The following GRB10 variants were observed in gnomAD, a reference collection of about 807,000 sequenced individuals.
The protein encoded by GRB10 is growth factor receptor-bound protein 10.
GRB10 carries 20 observed loss-of-function variants against 80.9 expected under a neutral mutation model. The ratio of observed to expected loss-of-function variants is 0.25; its 90% CI spans 0.17 to 0.36. The LOEUF is 0.36. Ranked by LOEUF, GRB10 falls within the 10% of genes least tolerant of loss-of-function variation. The probability of loss-of-function intolerance (pLI) is 1.00; values close to 1 mark genes in which losing one functional copy is unlikely to be tolerated. For missense variants in GRB10, 548 were observed against 747.7 expected, an observed-to-expected ratio of 0.73 and a Z score of 3.12; for synonymous variants, 291 against 291.5, an observed-to-expected ratio of 1.00 and a Z score of 0.02.
intron 7 of GRB10, among the ~76,000 whole-genome samples, chr7:50,668,361 G>A (rs1586641421): frequency 1.3e-5 from 1 of 75,584 alleles, no homozygotes; most frequent in Admixed American, 1.6e-4. Flanking sequence ...CAAGTAGAAG[G>A]GCAAAATGAC....
intron 5 of GRB10, among the ~76,000 whole-genome samples, chr7:50,694,591 A>G (rs1586982212): frequency 6.6e-6 from 1 of 152,226 alleles, no homozygotes; most frequent in Middle Eastern, 3.4e-3. Flanking sequence ...ATCTCACAGG[A>G]TGAAGAATCT....
intron 9 of GRB10, 64 bp from the exon 10 acceptor site, chr7:50,618,203 T>A: frequency 1.7e-6 from 2 of 1,184,374 alleles, no homozygotes; most frequent in East Asian, 2.3e-5. Flanking sequence ...AGGTATGTCA[T>A]ATAGATATGT....
At chr7:50,669,918 C>A in intron 6 of GRB10, 55 bp from the exon 7 acceptor site, 1 of 1,559,094 alleles carries the variant, frequency 6.4e-7, no homozygotes, top group Non-Finnish European at 8.7e-7. Flanking sequence ...CATGACCCAG[C>A]CTTACCACTG....
rs1232419796 is a variant in GRB10 at position 50,782,575 on chromosome 7, ACGGCTC to A, written c.-484_-479del. On this transcript the variant is annotated 5_prime_UTR_variant, in exon 1 of 19. Coordinates refer to ENST00000401949, the MANE Select transcript of GRB10 (RefSeq NM_001350814.2). The surrounding 1 kb of genome is among the most constrained non-coding windows in gnomAD (Gnocchi z 6.6). ...CGGAGCCGGGCCGGGCTGGTCCTCCACGGCTCCGCCCCGGCCAGGGGCCTGCGGCGC... is the reference window on the plus strand; with the variant it reads ...CGGAGCCGGGCCGGGCTGGTCCTCCACGCCCCGGCCAGGGGCCTGCGGCGC... The A allele has an allele frequency of 6.6e-6, 1 of 150,728 alleles. No individual in the cohort carries two copies. Among genetic ancestry groups the A allele is most frequent in the Non-Finnish European group, 1.5e-5 (1 of 67,596 alleles). 9.3% of individuals were successfully genotyped at this position (150,728 alleles called of 1,614,324 possible).
At chr7:50,650,241 A>G (rs997192615) in intron 7 of GRB10, among the ~76,000 whole-genome samples, 1 of 152,234 alleles carries the variant, frequency 6.6e-6, no homozygotes, top group African/African-American at 2.4e-5. Flanking sequence ...CCAACTGGCC[A>G]CTGATCTTAA....
At chr7:50,597,519 G>C (rs2046876504) in intron 17 of GRB10, among the ~76,000 whole-genome samples, 1 of 152,272 alleles carries the variant, frequency 6.6e-6, no homozygotes, top group Non-Finnish European at 1.5e-5. Flanking sequence ...GCTCTAACTA[G>C]AGGAAAATGT....
intron 5 of GRB10, among the ~76,000 whole-genome samples, chr7:50,690,895 AAGGCCC>A (rs2062741712): frequency 6.6e-6 from 1 of 152,224 alleles, no homozygotes; most frequent in Admixed American, 6.5e-5. Context: ...GGGGAAGGCG[AAGGCCC>A]AGAATAGCTG....
chr7:50,768,920 T>C (rs992867052), intron 2 of GRB10, among the ~76,000 whole-genome samples: 2 of 152,220 alleles, frequency 1.3e-5, no homozygotes, highest in Non-Finnish European at 2.9e-5. Flanking sequence ...TCAGGACGTT[T>C]ACTTCTTGGA....
chr7:50,711,502 T>C (rs1187975135), intron 4 of GRB10, among the ~76,000 whole-genome samples: 1 of 152,206 alleles, frequency 6.6e-6, no homozygotes, highest in Non-Finnish European at 1.5e-5. Context: ...GGGATGGGGT[T>C]TGTCATTTCA....
chr7:50,669,068 G>A (rs1017020033), intron 7 of GRB10, among the ~76,000 whole-genome samples: 4 of 152,208 alleles, frequency 2.6e-5, no homozygotes, highest in African/African-American at 9.7e-5. Flanking sequence ...AGGTGCCCGG[G>A]TGAGCCCAGC....
At chr7:50,713,855 C>T (rs1236317438) in intron 4 of GRB10, among the ~76,000 whole-genome samples, 2 of 151,954 alleles carry the variant, frequency 1.3e-5, no homozygotes, top group African/African-American at 2.4e-5. Context: ...ACTTCCTCTA[C>T]CACCTCCACC....
chr7:50,746,832 CGTGAGCCATTCT>C (rs1317523294), intron 3 of GRB10, among the ~76,000 whole-genome samples: 2 of 152,136 alleles, frequency 1.3e-5, no homozygotes, highest in Non-Finnish European at 2.9e-5. Context: ...CCTGTCCCTG[CGTGAGCCATTCT>C]GTGCTCTCGC....
chr7:50,751,354 A>C (rs1562610014), intron 3 of GRB10, among the ~76,000 whole-genome samples: 1 of 152,342 alleles, frequency 6.6e-6, no homozygotes, highest in East Asian at 1.9e-4. Flanking sequence ...ACCTGGAAAC[A>C]AGCCAAATGC....
rs75605560 is a variant in GRB10 at position 50,754,020 on chromosome 7, T to C, written c.-47+1867A>G. ...GAATCTCAGCATCACTCGCAACAAA[T>C]CTATGTCACCAATGAAGGATCTTGG... On this transcript the variant is annotated intron_variant, in intron 3 of 18. Transcript: ENST00000401949. Among the ~76,000 whole-genome samples the C allele has an allele frequency of 2.6e-3, 389 of 152,216 alleles. 7 individuals are homozygous for C. Among genetic ancestry groups the C allele is most frequent in the Non-Finnish European group, 2.6e-3 (177 of 68,006 alleles).
At chr7:50,652,021 G>C (rs2058056767) in intron 7 of GRB10, among the ~76,000 whole-genome samples, 1 of 152,160 alleles carries the variant, frequency 6.6e-6, no homozygotes, top group Admixed American at 6.5e-5. Context: ...AGGCTTCCAT[G>C]TACTGTCCCC....
intron 17 of GRB10, among the ~76,000 whole-genome samples, chr7:50,603,232 G>A (rs796083690): frequency 1.7e-4 from 26 of 152,332 alleles, no homozygotes; most frequent in African/African-American, 6.3e-4. Context: ...TGGCTCCGCA[G>A]TGTCGGCCTT....
chr7:50,618,812 A>G (rs2051116391), intron 9 of GRB10, among the ~76,000 whole-genome samples: 2 of 152,230 alleles, frequency 1.3e-5, no homozygotes, highest in African/African-American at 2.4e-5. Context: ...TATATTTGCT[A>G]TTTGCAGAGA....
At position 50,595,567 on chromosome 7, in the gene GRB10, T is replaced by C. The variant is rs1428517315; in HGVS notation, c.1545-37A>G. The C allele has an allele frequency of 2.7e-6, 3 of 1,105,560 alleles. No homozygotes were observed. The African/African-American group carries it at 4.7e-5, about 17-fold the overall frequency. The allele number at this position is 1,105,560 out of a possible 1,614,324, so 68.5% of individuals were successfully genotyped here. Reference sequence around the variant, plus strand: ...AAAATAGTTGATTGCTAAAATATTTTAAAATCTGGAACTAATCACACACAC... The same window carrying C: ...AAAATAGTTGATTGCTAAAATATTTCAAAATCTGGAACTAATCACACACAC... On this transcript the variant is annotated intron_variant, in intron 17 of 18. Transcript: ENST00000401949.
chr7:50,749,134 G>GTTTTTTTTTTTTTTT (rs11405172), intron 3 of GRB10, among the ~76,000 whole-genome samples: 4 of 137,904 alleles, frequency 2.9e-5, no homozygotes, highest in Non-Finnish European at 6.2e-5. Flanking sequence ...TTTTTTGTTT[G>GTTTTTTTTTTTTTTT]TTTTTTTTTT....
Sources: gnomAD v4.1 joint callset for allele counts (sites outside exome capture counted in the v4.1 genomes callset) on GRCh38, gnomAD v4.1.1 for gene constraint, Gnocchi (gnomAD v3.1) non-coding constraint, MANE v1.5 for transcripts, NCBI Gene and HGNC (gene_info 2026-07-23, HGNC 2026-07-21) for gene names.